The following CDHR4 variants were observed in gnomAD, a reference collection of about 807,000 sequenced individuals.
CDHR4 encodes cadherin-related family member 4.
In CDHR4, 89 loss-of-function variants were observed where a neutral mutation model predicts 88.4. That is an observed-to-expected ratio of 1.01 (90% CI 0.85 to 1.20). The LOEUF is 1.20. Ranked by LOEUF, CDHR4 falls within the 50% of genes most tolerant of loss-of-function variation. The probability of loss-of-function intolerance (pLI) is 0.00; values close to 1 mark genes in which losing one functional copy is unlikely to be tolerated. For missense variants in CDHR4, 914 were observed against 1,007.2 expected (o/e 0.91, Z 1.25); for synonymous variants, 368 against 399.2 (o/e 0.92, Z 0.93).
chr3:49,802,869 C>T (rs1219211749), upstream of CDHR4, among the ~76,000 whole-genome samples: 1 of 152,250 alleles, frequency 6.6e-6, no homozygotes, highest in Non-Finnish European at 1.5e-5. Context: ...AGTGCCAAGG[C>T]CAGCCTCACG....
chr3:49,802,095 G>T (rs140311124), upstream of CDHR4, among the ~76,000 whole-genome samples: 9 of 152,210 alleles, frequency 5.9e-5, no homozygotes, highest in African/African-American at 1.7e-4. Flanking sequence ...CTCTTCCCTG[G>T]CTGCTCCTTC....
intron 10 of CDHR4, among the ~76,000 whole-genome samples, chr3:49,794,312 G>T (rs1220382569): frequency 6.6e-6 from 1 of 152,058 alleles, no homozygotes; most frequent in East Asian, 1.9e-4. Flanking sequence ...GCAGGAGAAT[G>T]GCGTGAACCC....
intron 1 of CDHR4, 83 bp from the exon 2 acceptor site, chr3:49,799,520 AG>A (rs1177516573): frequency 3.5e-6 from 5 of 1,421,244 alleles, no homozygotes; most frequent in Non-Finnish European, 4.7e-6. Flanking sequence ...CTTTTGCCAC[AG>A]GGCCTGGCCA....
rs1411858267 is a variant in CDHR4 at position 49,795,165 on chromosome 3, A to G, written c.1031+31T>C. The G allele has an allele frequency of 6.4e-7, 1 of 1,551,580 alleles. No individual in the cohort carries two copies. The highest frequency in any genetic ancestry group is 2.0e-5 in the Admixed American group (1 of 51,004). ...TACCCTGAGTCATGGCTCTGACCCC[A>G]GCAGCCCAAGTATGGTTCCCGGGTA... On this transcript the variant is annotated intron_variant, in intron 8 of 18. Transcript: ENST00000412678. This position sits in a 1 kb window ranked among gnomAD's most constrained non-coding sequence, Gnocchi z 5.4.
At chr3:49,799,545 A>G in intron 1 of CDHR4, 108 bp from the exon 2 acceptor site, 2 of 1,248,198 alleles carry the variant, frequency 1.6e-6, no homozygotes, top group East Asian at 2.5e-5. Context: ...CATGGGGCCA[A>G]GCAGCTAAGG....
chr3:49,799,260 G>T lies in CDHR4; in HGVS notation c.227C>A (p.Thr76Asn). Residue 76 changes from threonine (T) to asparagine (N), a missense_variant, in exon 2 of 19, where the codon ACC (threonine) becomes AAC (asparagine). Physicochemically the swap from Thr to Asn is moderately conservative, Grantham distance 65 (BLOSUM62 0). Transcript: ENST00000412678. ...NPPSLARWQGTYVGKLTLSSS... is the reference protein window; with the variant it reads ...NPPSLARWQGNYVGKLTLSSS... The stretch of plus-strand genomic sequence containing the variant: ...ACATGACCCTACCTTGCCCACATAG[G>T]TCCCTTGCCACCTGGCCAAGCTGGG... 2 of 1,613,740 alleles carry T rather than the reference G, an allele frequency of 1.2e-6. No homozygotes were observed. The highest frequency in any genetic ancestry group is 1.7e-6 in the Non-Finnish European group (2 of 1,179,728).
At chr3:49,790,958 T>C in intron 18 of CDHR4, 71 bp from the exon 19 acceptor site, 2 of 1,229,192 alleles carry the variant, frequency 1.6e-6, no homozygotes, top group Non-Finnish European at 2.3e-6. Flanking sequence ...CCCTCCCCCT[T>C]ACTTAAGGGT....
In CDHR4 at chr3:49,795,107, G is replaced by A. The variant is rs1575346965; in HGVS notation, c.1032-7C>T. ...AGTCTCCGGGATTTGGGACCTGAGA[G>A]TATGCAGTGGCAGCAAGGCAGGAGT... On this transcript the variant is annotated splice_polypyrimidine_tract_variant and splice_region_variant and intron_variant, in intron 8 of 18. Transcript: ENST00000412678. The surrounding 1 kb of genome is among the most constrained non-coding windows in gnomAD (Gnocchi z 5.4). 1 of 1,551,700 alleles carries A rather than the reference G, an allele frequency of 6.4e-7. No individual in the cohort carries two copies. The highest frequency in any genetic ancestry group is 1.4e-5 in the African/African-American group (1 of 73,182).
At chr3:49,801,791 C>G (rs1049194171), upstream of CDHR4, among the ~76,000 whole-genome samples, 5 of 152,366 alleles carry the variant, frequency 3.3e-5, no homozygotes, top group South Asian at 1.0e-3. Context: ...GTGCACCTGC[C>G]CTGCCCAGGC....
At position 49,792,430 on chromosome 3, in the gene CDHR4, T is replaced by C. The variant is rs766744611; in HGVS notation, c.2138+38A>G. ...ATCACAACTGGGGTCCATAGGTGGGTTGGGGGCAAGTAGGGAGCACAAGGA... is the reference window on the plus strand; with the variant it reads ...ATCACAACTGGGGTCCATAGGTGGGCTGGGGGCAAGTAGGGAGCACAAGGA... On this transcript the variant is annotated intron_variant, in intron 15 of 18. Transcript: ENST00000412678. 10 of 1,549,572 alleles carry C rather than the reference T, an allele frequency of 6.5e-6. No homozygotes were observed. The South Asian group carries it at 1.2e-4, about 18-fold the overall frequency.
At position 49,795,993 on chromosome 3, in the gene CDHR4, C is replaced by A; in HGVS notation, c.660G>T (p.Gly220=). 1 of 1,545,292 alleles carries A rather than the reference C, an allele frequency of 6.5e-7. No homozygotes were observed. Among genetic ancestry groups the A allele is most frequent in the African/African-American group, 1.4e-5 (1 of 72,930 alleles). The change falls in exon 6 of 19, where the codon GGG becomes GGT. Residue 220 remains glycine, a synonymous_variant. Coordinates refer to ENST00000412678, the MANE Select transcript of CDHR4 (RefSeq NM_001007540.4). The surrounding 1 kb of genome is among the most constrained non-coding windows in gnomAD (Gnocchi z 5.4). The part of the protein sequence containing the change: ...VSFGQRQSCQ[G]MVIVKVLPVP... ...CAGGCAAAACCTTCACTATCACCAT[C>A]CCTTGGCAGCTTTGCCTTTGTCCAA...
rs756725655 is a variant in CDHR4, at chr3:49,795,191, C to T, written c.1031+5G>A. 8 of 1,551,664 alleles carry T rather than the reference C, an allele frequency of 5.2e-6. No individual in the cohort carries two copies. The South Asian group carries it at 7.1e-5, about 14-fold the overall frequency. On this transcript the variant is annotated splice_donor_5th_base_variant and intron_variant, in intron 8 of 18. Transcript: ENST00000412678. The surrounding 1 kb of genome is among the most constrained non-coding windows in gnomAD (Gnocchi z 5.4). ...GCAGCCCAAGTATGGTTCCCGGGTA[C>T]TCACACCAGAAGCGCTGGGAGGCAG... is the stretch of plus-strand genomic sequence containing the variant.
Position 49,793,298 on chromosome 3 carries a change from T to C in CDHR4, c.1637A>G (p.His546Arg). 6.4e-7 allele frequency: 1 copy of C among 1,551,516 alleles called. No homozygotes were observed. The change falls in exon 13 of 19, where the codon CAT becomes CGT. Residue 546 changes from histidine (H) to arginine (R), a missense_variant. By Grantham distance (29) the His-to-Arg change is conservative (BLOSUM62 0). Transcript: ENST00000412678. ...ITIEVEDVND[H>R]APECEPPFQE... is the part of the protein sequence containing the mutation. ...AAATGGGGGCTCACACTCGGGGGCA[T>C]GGTCATTCACATCCTGCAGAAAGGA...
At chr3:49,794,397 C>CA (rs796273248) in intron 10 of CDHR4, among the ~76,000 whole-genome samples, 2,405 of 133,154 alleles carry the variant, frequency 0.018, 48 homozygotes, top group Middle Eastern at 0.06. Context: ...AACTCCGTCT[C>CA]AAAAAAAAAA....
chr3:49,799,928 C>T, upstream of CDHR4: 3 of 1,023,394 alleles, frequency 2.9e-6, no homozygotes, highest in Non-Finnish European at 2.9e-6. Context: ...GACTCCTGGG[C>T]CTCCCAGATT....
At chr3:49,802,377 A>G (rs553575425), upstream of CDHR4, among the ~76,000 whole-genome samples, 95 of 151,780 alleles carry the variant, frequency 6.3e-4, 1 homozygote, top group East Asian at 0.016. Flanking sequence ...GGGTTTCACC[A>G]TGTTAGCCAG....
In CDHR4 at chr3:49,795,772, A is replaced by G. The variant is rs2081262112; in HGVS notation, c.711-8T>C. 1 of 1,551,622 alleles carries G rather than the reference A, an allele frequency of 6.4e-7. No homozygotes were observed. The highest frequency in any genetic ancestry group is 2.4e-5 in the East Asian group (1 of 40,918). On this transcript the variant is annotated splice_polypyrimidine_tract_variant and splice_region_variant and intron_variant, in intron 6 of 18. Coordinates refer to ENST00000412678, the MANE Select transcript of CDHR4 (RefSeq NM_001007540.4). The surrounding 1 kb of genome is among the most constrained non-coding windows in gnomAD (Gnocchi z 5.4). ...ATATTCTGAGCCTGCTCGCTGGACCAAAAGGGGGGCACTGGTTCCTGCCCA... is the reference window on the plus strand; with the variant it reads ...ATATTCTGAGCCTGCTCGCTGGACCGAAAGGGGGGCACTGGTTCCTGCCCA...
chr3:49,799,503 T>C (rs1575355668), intron 1 of CDHR4, 66 bp from the exon 2 acceptor site: 2 of 1,475,504 alleles, frequency 1.4e-6, no homozygotes, highest in East Asian at 4.9e-5. Flanking sequence ...ACTAGCATAG[T>C]CCTGTCCTTT....
Position 49,794,983 on chromosome 3 carries a change from G to T in CDHR4, c.1149C>A (p.Asn383Lys). 1 of 1,551,718 alleles carries T rather than the reference G, an allele frequency of 6.4e-7. No homozygotes were observed. The part of the protein sequence containing the change: ...DYKLWFRSSS[N>K]PASLCLYDRV... The stretch of plus-strand genomic sequence containing the variant: ...TGTCATAAAGGCAGAGGCTGGCAGG[G>T]TTGGAAGAGCTGCGGAACCACAGCT... The change falls in exon 9 of 19, where the codon AAC becomes AAA. Residue 383 changes from asparagine (N) to lysine (K), a missense_variant. By Grantham distance (94) the Asn-to-Lys change is moderately conservative. Transcript: ENST00000412678.
Sources: gnomAD v4.1 joint callset for allele counts (sites outside exome capture counted in the v4.1 genomes callset) on GRCh38, gnomAD v4.1.1 for gene constraint, Gnocchi (gnomAD v3.1) non-coding constraint, MANE v1.5 for transcripts, NCBI Gene and HGNC (gene_info 2026-07-23, HGNC 2026-07-21) for gene names.